CYP51A1: variants seen among roughly 807,000 people sequenced by gnomAD.
CYP51A1 encodes cytochrome P450 family 51 subfamily A member 1.
In CYP51A1, 45 loss-of-function variants were observed where a neutral mutation model predicts 53.5. The observed-to-expected ratio is 0.84, with a 90% CI of 0.66 to 1.08. CYP51A1 has a LOEUF of 1.08. CYP51A1 is among the 50% of genes least tolerant of loss of function. CYP51A1 has a pLI of 0.00. For missense variants in CYP51A1, 462 were observed against 621.7 expected (o/e 0.74, Z 2.73); for synonymous variants, 181 against 217.7 (o/e 0.83, Z 1.48).
At chr7:92,116,736 G>A (rs1263391260) in intron 9 of CYP51A1, among the ~76,000 whole-genome samples, 1 of 152,150 alleles carries the variant, frequency 6.6e-6, no homozygotes. Context: ...TTCTTTAAAA[G>A]AGAATCCACA....
intron 2 of CYP51A1, among the ~76,000 whole-genome samples, chr7:92,130,802 A>G (rs1202718368): frequency 6.6e-6 from 1 of 152,242 alleles, no homozygotes; most frequent in Non-Finnish European, 1.5e-5. Flanking sequence ...GGAGAGGTAG[A>G]AAGATTCAGA....
intron 7 of CYP51A1, among the ~76,000 whole-genome samples, chr7:92,120,728 C>T (rs1425284009): frequency 1.3e-5 from 2 of 151,988 alleles, no homozygotes; most frequent in African/African-American, 4.8e-5. Flanking sequence ...GGATCAAAGA[C>T]CTAAATGTAA....
chr7:92,133,294 G>T (rs950824714), intron 1 of CYP51A1, among the ~76,000 whole-genome samples: 1 of 147,890 alleles, frequency 6.8e-6, no homozygotes, highest in Admixed American at 6.8e-5. Context: ...TCATTCTGTC[G>T]CCCAGACTGG....
intron 4 of CYP51A1, 69 bp from the exon 5 acceptor site, chr7:92,126,496 C>T (rs1379393982): frequency 1.5e-6 from 2 of 1,343,584 alleles, no homozygotes; most frequent in East Asian, 4.8e-5. Context: ...GAATTAAAAA[C>T]AGAACTCAAG....
rs1487310779 is a variant in CYP51A1, at chr7:92,126,278, C to T, written c.745G>A (p.Gly249Ser). The T allele has an allele frequency of 1.9e-6, 3 of 1,604,490 alleles. No homozygotes were observed. Among genetic ancestry groups the T allele is most frequent in the Non-Finnish European group, 1.7e-6 (2 of 1,177,810 alleles). Residue 249 changes from glycine to serine, a missense_variant, in exon 5 of 10, where the codon GGT becomes AGT. Coordinates refer to ENST00000003100, the MANE Select transcript of CYP51A1 (RefSeq NM_000786.4). The part of the protein sequence containing the change: ...GFSHAAWLLP[G>S]WLPLPSFRRR... ...CTGAAACTAGGCAAAGGCAGCCAAC[C>T]TGGTAAGAGCCAGGCTGCATGGCTG... is the stretch of plus-strand genomic sequence containing the variant.
intron 5 of CYP51A1, among the ~76,000 whole-genome samples, chr7:92,125,161 A>G (rs946674103): frequency 6.6e-5 from 10 of 151,818 alleles, no homozygotes; most frequent in Non-Finnish European, 1.0e-4. Context: ...AAAAAAAAAA[A>G]AAAGAAATGC....
At position 92,123,272 on chromosome 7, in the gene CYP51A1, T is replaced by A. The variant is rs1397040817; in HGVS notation, c.934A>T (p.Ile312Phe). The part of the protein sequence containing the change: ...LTDDEVAGML[I>F]GLLLAGQHTS... ...TGCTGCCCTGCCAAGAGTAATCCAA[T>A]AAGCATCCCTGCTACTTCATCATCA... Residue 312 changes from isoleucine to phenylalanine, a missense_variant, in exon 7 of 10, where the codon ATT becomes TTT. Transcript: ENST00000003100. 6.2e-7 allele frequency: 1 copy of A among 1,614,046 alleles called. No individual in the cohort carries two copies. The highest frequency in any genetic ancestry group is 1.1e-5 in the South Asian group (1 of 91,058).
At chr7:92,133,173 T>C (rs1334735717) in intron 1 of CYP51A1, among the ~76,000 whole-genome samples, 1 of 152,252 alleles carries the variant, frequency 6.6e-6, no homozygotes, top group African/African-American at 2.4e-5. Flanking sequence ...CAAAAGCTAC[T>C]TATTGCTGAC....
At chr7:92,130,273 T>C (rs1218698472) in intron 2 of CYP51A1, among the ~76,000 whole-genome samples, 1 of 152,178 alleles carries the variant, frequency 6.6e-6, no homozygotes, top group Non-Finnish European at 1.5e-5. Flanking sequence ...GTGTTTCGTT[T>C]CTCTCACCTA....
intron 7 of CYP51A1, among the ~76,000 whole-genome samples, chr7:92,121,644 A>C (rs1255432993): frequency 6.6e-6 from 1 of 152,260 alleles, no homozygotes; most frequent in Non-Finnish European, 1.5e-5. Context: ...GTAATAACAA[A>C]GACTGAAGTA....
At position 92,134,418 on chromosome 7, in the gene CYP51A1, C is replaced by A; in HGVS notation, c.-54G>T. On this transcript the variant is annotated 5_prime_UTR_variant, in exon 1 of 10. Coordinates refer to ENST00000003100, the MANE Select transcript of CYP51A1 (RefSeq NM_000786.4). ...GGTCGCCACCGCTCCTCCCAATCGACGGAACGAGAGAAGCTGGCAGATGGT... is the reference window on the plus strand; with the variant it reads ...GGTCGCCACCGCTCCTCCCAATCGAAGGAACGAGAGAAGCTGGCAGATGGT... The A allele has an allele frequency of 6.7e-7, 1 of 1,485,448 alleles. No homozygotes were observed. Among genetic ancestry groups the A allele is most frequent in the South Asian group, 1.3e-5 (1 of 76,022 alleles). The allele number at this position is 1,485,448 out of a possible 1,614,324, so 92.0% of individuals were successfully genotyped here.
chr7:92,125,159 A>G (rs1409978964), intron 5 of CYP51A1, among the ~76,000 whole-genome samples: 1 of 151,856 alleles, frequency 6.6e-6, no homozygotes, highest in East Asian at 1.9e-4. Context: ...AAAAAAAAAA[A>G]AAAAAGAAAT....
chr7:92,128,820 T>C, intron 3 of CYP51A1, 60 bp downstream of exon 3: 3 of 1,381,602 alleles, frequency 2.2e-6, no homozygotes, highest in Admixed American at 2.0e-5. Context: ...AATGTCTCAC[T>C]ATTAGCTATA....
chr7:92,120,587 A>G (rs1052931087), intron 7 of CYP51A1, among the ~76,000 whole-genome samples: 7 of 152,212 alleles, frequency 4.6e-5, no homozygotes, highest in African/African-American at 9.6e-5. Context: ...GCGCCTGGCT[A>G]TAATAGATTT....
intron 3 of CYP51A1, among the ~76,000 whole-genome samples, chr7:92,128,428 CTGTGTGTGTGTG>C (rs1554479142): frequency 2.1e-5 from 3 of 143,044 alleles, no homozygotes; most frequent in Non-Finnish European, 4.6e-5. Flanking sequence ...TGGTTGGTTT[CTGTGTGTGTGTG>C]TGTGTGTGTG....
upstream of CYP51A1, chr7:92,134,483 C>G (rs1350794857): frequency 9.0e-7 from 1 of 1,105,672 alleles, no homozygotes. Context: ...CTACTAAACC[C>G]AGCCCCACCC....
intron 7 of CYP51A1, among the ~76,000 whole-genome samples, 195 bp from the exon 8 acceptor site, chr7:92,118,810 G>A (rs139115969): frequency 2.0e-4 from 30 of 152,230 alleles, no homozygotes; most frequent in South Asian, 1.2e-3. Flanking sequence ...TAACAGAAGC[G>A]ATTGCCCTGA....
At chr7:92,122,443 C>T (rs934182949) in intron 7 of CYP51A1, among the ~76,000 whole-genome samples, 3 of 151,756 alleles carry the variant, frequency 2.0e-5, no homozygotes, top group African/African-American at 7.3e-5. Context: ...TGCAAAAATC[C>T]TCAACAAAAC....
intron 1 of CYP51A1, among the ~76,000 whole-genome samples, chr7:92,133,953 G>A (rs1315909485): frequency 6.6e-6 from 1 of 152,152 alleles, no homozygotes; most frequent in Non-Finnish European, 1.5e-5. Flanking sequence ...CAAGGCAATG[G>A]CGGGTGCTAC....
Sources: gnomAD v4.1 joint callset for allele counts (sites outside exome capture counted in the v4.1 genomes callset) on GRCh38, gnomAD v4.1.1 for gene constraint, MANE v1.5 for transcripts, NCBI Gene and HGNC (gene_info 2026-07-23, HGNC 2026-07-21) for gene names.